CHN2: variants seen among roughly 807,000 people sequenced by gnomAD.
CHN2 encodes chimerin 2.
In CHN2, 35 loss-of-function variants were observed where a neutral mutation model predicts 56.3. The ratio of observed to expected loss-of-function variants is 0.62; its 90% confidence interval spans 0.47 to 0.82. The LOEUF is 0.82. Ranked by LOEUF, CHN2 falls within the 40% of genes least tolerant of loss-of-function variation. The pLI is 0.00. For synonymous variants in CHN2, 210 were observed against 212.8 expected, an observed-to-expected ratio of 0.99 and a Z score of 0.12; for missense variants, 491 against 580.5, an observed-to-expected ratio of 0.85 and a Z score of 1.58.
At chr7:29,306,180 C>T (rs765846770) in intron 1 of CHN2, among the ~76,000 whole-genome samples, 4 of 152,130 alleles carry the variant, frequency 2.6e-5, no homozygotes, top group Admixed American at 6.5e-5. Flanking sequence ...TACTCAATAG[C>T]GCACTGTGTA....
intron 6 of CHN2, among the ~76,000 whole-genome samples, chr7:29,432,140 G>C (rs1417247060): frequency 2.0e-5 from 3 of 152,092 alleles, no homozygotes; most frequent in Non-Finnish European, 4.4e-5. Context: ...GCCAGTGTGA[G>C]TGTGGGATCT....
intron 1 of CHN2, among the ~76,000 whole-genome samples, chr7:29,309,530 G>A (rs1794430766): frequency 6.6e-6 from 1 of 152,152 alleles, no homozygotes; most frequent in Admixed American, 6.5e-5. Context: ...TTCTAATTTT[G>A]CTTCTCCTTT....
chr7:29,230,434 G>T (rs1271504944), intron 1 of CHN2, among the ~76,000 whole-genome samples: 1 of 152,040 alleles, frequency 6.6e-6, no homozygotes, highest in African/African-American at 2.4e-5. Flanking sequence ...TGTGCCTCCC[G>T]GGCTCAAGTG....
chr7:29,180,483 C>T (rs561624559), intron 2 of CHN2, among the ~76,000 whole-genome samples: 6 of 151,840 alleles, frequency 4.0e-5, no homozygotes, highest in Admixed American at 1.3e-4. Context: ...GCCGAGATCG[C>T]GCCACTGCAC....
chr7:29,490,342 A>G (rs1425903302), intron 7 of CHN2, among the ~76,000 whole-genome samples: 3 of 152,190 alleles, frequency 2.0e-5, no homozygotes, highest in Admixed American at 6.5e-5. Context: ...GCAGACTTCT[A>G]GGAAGAATTT....
Position 29,496,042 on chromosome 7 carries a change from C to T in CHN2, c.739+6C>T, listed in dbSNP as rs1457981639. On this transcript the variant is annotated splice_donor_region_variant and intron_variant, in intron 8 of 12. Transcript: ENST00000222792. Reference sequence around the variant, plus strand: ...CCAAGGGGTCCGGTGCTCAGGTAGACACAGAACTTTCTTCTTTTCCAATTA... The same window carrying T: ...CCAAGGGGTCCGGTGCTCAGGTAGATACAGAACTTTCTTCTTTTCCAATTA... 1 of 1,603,894 alleles carries T rather than the reference C, an allele frequency of 6.2e-7. No individual in the cohort carries two copies. The highest frequency in any genetic ancestry group is 8.5e-7 in the Non-Finnish European group (1 of 1,175,966).
chr7:29,409,392 GTA>G (rs1396698588), intron 6 of CHN2, among the ~76,000 whole-genome samples: 1 of 152,104 alleles, frequency 6.6e-6, no homozygotes, highest in African/African-American at 2.4e-5. Context: ...TTATGTGTTA[GTA>G]TGAATAACAT....
intron 1 of CHN2, among the ~76,000 whole-genome samples, chr7:29,217,300 G>C (rs1307191898): frequency 2.0e-5 from 3 of 152,178 alleles, no homozygotes; most frequent in Non-Finnish European, 4.4e-5. Context: ...CAGTAATTAT[G>C]TAAGACTCAG....
At chr7:29,392,531 C>T (rs1342193097) in intron 3 of CHN2, among the ~76,000 whole-genome samples, 1 of 152,166 alleles carries the variant, frequency 6.6e-6, no homozygotes, top group Non-Finnish European at 1.5e-5. Flanking sequence ...AGAGTGAACA[C>T]ATATTTAGAA....
chr7:29,186,306 C>T (rs1196071002), intron 2 of CHN2: 2 of 152,100 alleles, frequency 1.3e-5, no homozygotes, highest in Non-Finnish European at 2.9e-5. Context: ...CATAAGTAGG[C>T]CATGCGTGTT....
At chr7:29,318,560 A>G (rs1445935531) in intron 1 of CHN2, among the ~76,000 whole-genome samples, 1 of 152,198 alleles carries the variant, frequency 6.6e-6, no homozygotes, top group Non-Finnish European at 1.5e-5. Flanking sequence ...TCAGAGCCCT[A>G]AAAGAGACAC....
chr7:29,503,070 TTG>T (rs1357207520), intron 9 of CHN2, among the ~76,000 whole-genome samples: 1 of 152,176 alleles, frequency 6.6e-6, no homozygotes, highest in African/African-American at 2.4e-5. Flanking sequence ...GGCTGAATGT[TTG>T]TGTCCCCTGC....
At chr7:29,498,814 T>G (rs1298756372) in intron 8 of CHN2, among the ~76,000 whole-genome samples, 2 of 137,702 alleles carry the variant, frequency 1.5e-5, no homozygotes, top group South Asian at 2.3e-4. Context: ...CAGGCTGGAG[T>G]GCGGTGGCGC....
At chr7:29,377,412 G>A (rs1265666004) in intron 3 of CHN2, among the ~76,000 whole-genome samples, 1 of 152,128 alleles carries the variant, frequency 6.6e-6, no homozygotes, top group Admixed American at 6.5e-5. Flanking sequence ...TCTTTTAGGT[G>A]TTTTCCTTAT....
intron 1 of CHN2, 171 bp downstream of exon 1, chr7:29,195,161 G>C: frequency 3.5e-6 from 2 of 578,738 alleles, no homozygotes; most frequent in South Asian, 5.6e-5. Flanking sequence ...TCGGTGCCCA[G>C]AGCACCTCCG....
At chr7:29,368,087 C>T in intron 3 of CHN2, 100 bp downstream of exon 3, 1 of 921,656 alleles carries the variant, frequency 1.1e-6, no homozygotes. Context: ...GAGTTGATTT[C>T]TATTAACATT....
At chr7:29,391,506 C>T (rs528988525) in intron 3 of CHN2, among the ~76,000 whole-genome samples, 17 of 152,262 alleles carry the variant, frequency 1.1e-4, no homozygotes, top group Admixed American at 5.9e-4. Flanking sequence ...ATATTTGGGA[C>T]GTATTCCATG....
At position 29,194,841 on chromosome 7, in the gene CHN2, A is replaced by G. The variant is rs1783431481; in HGVS notation, c.-101A>G. 3 of 1,150,990 alleles carry G rather than the reference A, an allele frequency of 2.6e-6. No individual in the cohort carries two copies. Among genetic ancestry groups the G allele is most frequent in the East Asian group, 3.3e-5 (1 of 30,660 alleles). The allele number at this position is 1,150,990 out of a possible 1,614,324, so 71.3% of individuals were successfully genotyped here. A position where few individuals can be genotyped will look rare whatever the true frequency, so the allele number is the denominator to read the frequency against. On this transcript the variant is annotated 5_prime_UTR_variant, in exon 1 of 13. The change abolishes an upstream ATG in the 5' untranslated region. Coordinates refer to ENST00000222792, the MANE Select transcript of CHN2 (RefSeq NM_004067.4). ...TTCTGCGCGTCCCCAGGACTTTGCCATGGGCTGGGGGCCGCGGAGGCTGCG... is the reference window on the plus strand; with the variant it reads ...TTCTGCGCGTCCCCAGGACTTTGCCGTGGGCTGGGGGCCGCGGAGGCTGCG...
At chr7:29,382,994 C>T (rs1800636485) in intron 3 of CHN2, among the ~76,000 whole-genome samples, 1 of 152,108 alleles carries the variant, frequency 6.6e-6, no homozygotes, top group East Asian at 1.9e-4. Flanking sequence ...AGAACATATT[C>T]TGGACACACA....
Sources: gnomAD v4.1 joint callset for allele counts (sites outside exome capture counted in the v4.1 genomes callset) on GRCh38, gnomAD v4.1.1 for gene constraint, MANE v1.5 for transcripts, NCBI Gene and HGNC (gene_info 2026-07-23, HGNC 2026-07-21) for gene names.